LINC00237: variants seen among roughly 807,000 people sequenced by gnomAD.
The protein encoded by LINC00237 is long intergenic non-protein coding RNA 237.
Position 21,091,041 on chromosome 20 carries a change from ATGTGCGTGTGTGTG to A in LINC00237, n.472+2414_472+2427del, listed in dbSNP as rs1291413339. ...TAGCCATTAGCCTGTCAGTGTGTAA[ATGTGCGTGTGTGTG>A]TGTGCGTGTGTGTGTGTGTGTGTGT... On this transcript the variant is annotated intron_variant and non_coding_transcript_variant, in intron 2 of 3. Transcript: ENST00000691244. 4.6e-5 allele frequency among the ~76,000 whole-genome samples: 7 copies of A among 151,198 alleles called. No individual in the cohort carries two copies. The East Asian group carries it at 1.4e-3, about 29-fold the overall frequency.
chr20:21,086,981 G>A (rs990542052), intron 3 of LINC00237, among the ~76,000 whole-genome samples: 3 of 137,966 alleles, frequency 2.2e-5, no homozygotes, highest in Non-Finnish European at 4.6e-5. Flanking sequence ...CACTCTATAT[G>A]TACTATAGTA....
chr20:21,086,783 C>T (rs1346782605), intron 3 of LINC00237, among the ~76,000 whole-genome samples: 1 of 119,778 alleles, frequency 8.3e-6, no homozygotes, highest in African/African-American at 3.2e-5. Context: ...TATACATGTA[C>T]TATATATACA....
chr20:21,091,531 C>G (rs2030792589), intron 2 of LINC00237, among the ~76,000 whole-genome samples: 1 of 152,186 alleles, frequency 6.6e-6, no homozygotes, highest in Non-Finnish European at 1.5e-5. Flanking sequence ...ACTTCCATTT[C>G]CCTCCAATGG....
At chr20:21,085,846 A>G (rs932419835) in exon 4 of LINC00237, among the ~76,000 whole-genome samples, 9 of 152,214 alleles carry the variant, frequency 5.9e-5, no homozygotes, top group Non-Finnish European at 1.2e-4. Flanking sequence ...CTGTGATTTT[A>G]GCCTGCCACA....
At chr20:21,104,867 T>G (rs549890759) in intron 1 of LINC00237, among the ~76,000 whole-genome samples, 16 of 152,114 alleles carry the variant, frequency 1.1e-4, no homozygotes, top group African/African-American at 3.9e-4. Context: ...ACACACACAC[T>G]CATATATTTT....
At chr20:21,098,865 C>T (rs772566140) in intron 1 of LINC00237, among the ~76,000 whole-genome samples, 6 of 152,198 alleles carry the variant, frequency 3.9e-5, no homozygotes, top group African/African-American at 9.7e-5. Context: ...GCAGGTTGCA[C>T]GAATTAGAGC....
intron 1 of LINC00237, among the ~76,000 whole-genome samples, chr20:21,095,549 G>C (rs1175868643): frequency 6.6e-6 from 1 of 152,204 alleles, no homozygotes; most frequent in Non-Finnish European, 1.5e-5. Flanking sequence ...AATAAAATGA[G>C]AATGAGCACA....
chr20:21,089,651 T>G (rs2030766232), intron 2 of LINC00237: 1 of 152,236 alleles, frequency 6.6e-6, no homozygotes, highest in Non-Finnish European at 1.5e-5. Context: ...GTTTGGGTTA[T>G]GAGTCATTCT....
chr20:21,102,277 A>G lies in LINC00237; in HGVS notation n.88+3994T>C, dbSNP rs79546485. On this transcript the variant is annotated intron_variant and non_coding_transcript_variant, in intron 1 of 3. Coordinates refer to ENST00000691244, the Ensembl canonical transcript of LINC00237. ...AAGCGGGCACCGACTCCTTACCCAGAAAAGATCCTGGAGCTAAAGCCTGCG... is the reference window on the plus strand; with the variant it reads ...AAGCGGGCACCGACTCCTTACCCAGGAAAGATCCTGGAGCTAAAGCCTGCG... 9.9e-3 allele frequency among the ~76,000 whole-genome samples: 1,506 copies of G among 152,290 alleles called. 23 individuals are homozygous for G. The highest frequency in any genetic ancestry group is 0.034 in the African/African-American group (1,431 of 41,558).
chr20:21,095,181 A>G (rs2030841314), intron 1 of LINC00237, among the ~76,000 whole-genome samples: 1 of 152,218 alleles, frequency 6.6e-6, no homozygotes, highest in Non-Finnish European at 1.5e-5. Flanking sequence ...CTGGTTGCAT[A>G]GGCCTTAAAA....
intron 3 of LINC00237, among the ~76,000 whole-genome samples, chr20:21,087,163 T>C (rs1320641077): frequency 6.6e-6 from 1 of 151,200 alleles, no homozygotes; most frequent in African/African-American, 2.4e-5. Context: ...AAGAAGTTAT[T>C]TGGGGGCAGT....
intron 2 of LINC00237, among the ~76,000 whole-genome samples, chr20:21,090,684 G>A (rs1003604764): frequency 1.3e-5 from 2 of 152,166 alleles, no homozygotes; most frequent in African/African-American, 4.8e-5. Context: ...CCTCTTCAGG[G>A]GAGATGAGGT....
At chr20:21,090,097 C>G (rs918405285) in intron 2 of LINC00237, 4 of 152,192 alleles carry the variant, frequency 2.6e-5, no homozygotes, top group Non-Finnish European at 4.4e-5. Flanking sequence ...TGTTGGCAAA[C>G]AATTTTACTG....
intron 1 of LINC00237, among the ~76,000 whole-genome samples, chr20:21,100,545 G>A (rs2030917595): frequency 6.6e-6 from 1 of 152,222 alleles, no homozygotes; most frequent in South Asian, 2.1e-4. Flanking sequence ...TTTTTTAGGA[G>A]TTTTAACCTT....
At position 21,095,826 on chromosome 20, in the gene LINC00237, T is replaced by C. The variant is rs8119813; in HGVS notation, n.89-1974A>G. Among the ~76,000 whole-genome samples the C allele has an allele frequency of 6.8e-3, 1,031 of 152,322 alleles. 18 individuals carry two copies. Among genetic ancestry groups the C allele is most frequent in the African/African-American group, 0.023 (965 of 41,566 alleles). ...TGCCTGGGAACTTTTTCTTGGCCCCTGAAGCTCACTCTGCTTATGCAACAG... is the reference window on the plus strand; with the variant it reads ...TGCCTGGGAACTTTTTCTTGGCCCCCGAAGCTCACTCTGCTTATGCAACAG... On this transcript the variant is annotated intron_variant and non_coding_transcript_variant, in intron 1 of 3. Transcript: ENST00000691244.
At chr20:21,097,376 T>C (rs1423798120) in intron 1 of LINC00237, among the ~76,000 whole-genome samples, 6 of 152,098 alleles carry the variant, frequency 3.9e-5, no homozygotes, top group Non-Finnish European at 8.8e-5. Context: ...GTACAAATGG[T>C]CATTAAAAAA....
chr20:21,087,599 T>G (rs144629381), intron 3 of LINC00237: 1 of 152,320 alleles, frequency 6.6e-6, no homozygotes, highest in African/African-American at 2.4e-5. Flanking sequence ...ACATTGTTGT[T>G]CACTTTAATT....
chr20:21,098,332 C>T (rs1456092080), intron 1 of LINC00237, among the ~76,000 whole-genome samples: 1 of 152,148 alleles, frequency 6.6e-6, no homozygotes, highest in Non-Finnish European at 1.5e-5. Context: ...GTATAAAAGC[C>T]TGCATGGCCC....
intron 1 of LINC00237, among the ~76,000 whole-genome samples, chr20:21,100,947 C>T (rs1291123574): frequency 6.6e-6 from 1 of 152,192 alleles, no homozygotes; most frequent in Non-Finnish European, 1.5e-5. Flanking sequence ...GGCGCAGCCA[C>T]GACGCGCCGC....
Sources: allele counts gnomAD v4.1 joint callset (sites outside exome capture counted in the v4.1 genomes callset), GRCh38; gene constraint gnomAD v4.1.1; transcripts MANE v1.5; gene names NCBI Gene and HGNC (gene_info 2026-07-23, HGNC 2026-07-21).